The following ST7L variants were observed in gnomAD, a reference collection of about 807,000 sequenced individuals.
ST7L encodes the protein suppressor of tumorigenicity 7 protein-like.
In ST7L, 57 loss-of-function variants were observed where a neutral mutation model predicts 72.5. That is an observed-to-expected ratio of 0.79 (90% CI 0.64 to 0.98). The LOEUF (loss-of-function observed/expected upper bound fraction) is 0.98, where lower values mean the gene tolerates loss of function less well. ST7L is among the 50% of genes least tolerant of loss of function. The pLI is 0.00. For synonymous variants in ST7L, 221 were observed against 240.9 expected (o/e 0.92, Z 0.77); for missense variants, 576 against 672.2 (o/e 0.86, Z 1.58).
chr1:112,520,872 G>A (rs1570804996), downstream of ST7L: 1 of 243,296 alleles, frequency 4.1e-6, no homozygotes, highest in Non-Finnish European at 8.0e-6. Flanking sequence ...CAAGAGGAAG[G>A]GTACCTGTAG....
At chr1:112,531,544 C>G (rs921391998) in intron 14 of ST7L, among the ~76,000 whole-genome samples, 1 of 152,180 alleles carries the variant, frequency 6.6e-6, no homozygotes. Flanking sequence ...CCTTTTGGGT[C>G]ACTATATCTT....
chr1:112,588,340 T>C (rs1285909684), intron 6 of ST7L, among the ~76,000 whole-genome samples: 1 of 152,252 alleles, frequency 6.6e-6, no homozygotes, highest in African/African-American at 2.4e-5. Context: ...AACACAGAAG[T>C]ACAAGTGCAG....
chr1:112,534,619 A>C (rs1018765731), intron 14 of ST7L, among the ~76,000 whole-genome samples: 5 of 152,164 alleles, frequency 3.3e-5, no homozygotes, highest in African/African-American at 1.2e-4. Context: ...AAAGCTAAAA[A>C]CTATTCCTCA....
intron 11 of ST7L, among the ~76,000 whole-genome samples, chr1:112,565,068 G>T (rs899877627): frequency 2.0e-5 from 3 of 151,028 alleles, no homozygotes; most frequent in African/African-American, 7.3e-5. Context: ...ATTTGAGATG[G>T]AGCTTTGCTC....
intron 11 of ST7L, among the ~76,000 whole-genome samples, chr1:112,565,804 C>A (rs768348986): frequency 2.6e-5 from 4 of 152,008 alleles, no homozygotes; most frequent in Non-Finnish European, 4.4e-5. Context: ...ACTGCTTGAG[C>A]CCAGGAGTTC....
chr1:112,575,991 A>T lies in ST7L; in HGVS notation c.1245+995T>A, dbSNP rs139192111. Among the ~76,000 whole-genome samples, 465 of 152,264 alleles carry T rather than the reference A, an allele frequency of 3.1e-3. 4 individuals are homozygous for T. Among genetic ancestry groups the T allele is most frequent in the African/African-American group, 0.011 (437 of 41,550 alleles). ...GCTCTTTAGCTTCCAAGCTCTATTA[A>T]CACCCTTTCACTGGAATCAATAGCT... On this transcript the variant is annotated intron_variant, in intron 11 of 14. Coordinates refer to ENST00000358039, the MANE Select transcript of ST7L (RefSeq NM_017744.5).
At chr1:112,600,113 T>C (rs766710611) in intron 4 of ST7L, among the ~76,000 whole-genome samples, 42 of 152,302 alleles carry the variant, frequency 2.8e-4, no homozygotes, top group Non-Finnish European at 5.3e-4. Flanking sequence ...TCATCTCAGC[T>C]CACTGCAACC....
rs1553248207 is a variant in ST7L at position 112,570,570 on chromosome 1, T to TAC, written c.1245+6414_1245+6415dup. Among the ~76,000 whole-genome samples the TAC allele has an allele frequency of 2.3e-3, 333 of 143,398 alleles. 1 individual carries two copies. The highest frequency in any genetic ancestry group is 7.5e-3 in the African/African-American group (291 of 38,618). 94.1% of individuals were successfully genotyped at this position (143,398 alleles called of 152,430 possible). On this transcript the variant is annotated intron_variant, in intron 11 of 14. Transcript: ENST00000358039. ...GTATATATATATATATATATATATATACACACACACATATATTTGAAATGT... is the reference window on the plus strand; with the variant it reads ...GTATATATATATATATATATATATATACACACACACACATATATTTGAAATGT...
intron 11 of ST7L, among the ~76,000 whole-genome samples, chr1:112,559,277 C>T (rs1659697222): frequency 6.6e-6 from 1 of 152,162 alleles, no homozygotes; most frequent in African/African-American, 2.4e-5. Flanking sequence ...CGGTGTCTTG[C>T]TCTGTTGTCC....
rs34816760 is a variant in ST7L at position 112,585,732 on chromosome 1, C to CAA, written c.702-1608_702-1607dup. On this transcript the variant is annotated intron_variant, in intron 6 of 14. Transcript: ENST00000358039. ...TGGGTGACAGAGTGAGACTCCGTCT[C>CAA]AAAAAAAAAAAAAAATTAATATTTT... 4.2e-3 allele frequency among the ~76,000 whole-genome samples: 444 copies of CAA among 106,448 alleles called. 2 individuals are homozygous for CAA. Among genetic ancestry groups the CAA allele is most frequent in the Middle Eastern group, 0.011 (2 of 186 alleles). 69.8% of individuals were successfully genotyped at this position (106,448 alleles called of 152,430 possible).
intron 11 of ST7L, among the ~76,000 whole-genome samples, chr1:112,575,660 C>G (rs562795700): frequency 6.6e-6 from 1 of 152,110 alleles, no homozygotes; most frequent in Non-Finnish European, 1.5e-5. Flanking sequence ...TTTCATCAAG[C>G]TACTCAGAAC....
At chr1:112,574,216 CT>C (rs749479758) in intron 11 of ST7L, among the ~76,000 whole-genome samples, 3,411 of 127,000 alleles carry the variant, frequency 0.027, 120 homozygotes, top group African/African-American at 0.085. Context: ...TGCGCCCGGA[CT>C]TTTTTTTTTT....
At chr1:112,569,672 G>GT (rs1393061133) in intron 11 of ST7L, among the ~76,000 whole-genome samples, 1 of 152,108 alleles carries the variant, frequency 6.6e-6, no homozygotes, top group Non-Finnish European at 1.5e-5. Flanking sequence ...AAGAAAGACA[G>GT]TATCAGCTGG....
At chr1:112,587,528 A>C (rs1665042851) in intron 6 of ST7L, among the ~76,000 whole-genome samples, 1 of 152,182 alleles carries the variant, frequency 6.6e-6, no homozygotes, top group Admixed American at 6.5e-5. Flanking sequence ...ACTTGAACCC[A>C]GGAGGTGGAG....
intron 5 of ST7L, among the ~76,000 whole-genome samples, chr1:112,596,922 C>G (rs1413911407): frequency 6.6e-6 from 1 of 152,174 alleles, no homozygotes; most frequent in Non-Finnish European, 1.5e-5. Context: ...CAGGCGTGAG[C>G]CACCGCGCCC....
At chr1:112,531,955 T>A (rs1194662466) in intron 14 of ST7L, among the ~76,000 whole-genome samples, 1 of 151,834 alleles carries the variant, frequency 6.6e-6, no homozygotes, top group Non-Finnish European at 1.5e-5. Context: ...TATCCAGGAC[T>A]CTCTGAACTG....
At chr1:112,614,826 G>C (rs1171243129) in intron 2 of ST7L, among the ~76,000 whole-genome samples, 1 of 152,090 alleles carries the variant, frequency 6.6e-6, no homozygotes, top group Non-Finnish European at 1.5e-5. Flanking sequence ...AAATTTATTG[G>C]CTATGCATGG....
At chr1:112,572,640 G>A (rs1301459225) in intron 11 of ST7L, among the ~76,000 whole-genome samples, 1 of 152,166 alleles carries the variant, frequency 6.6e-6, no homozygotes, top group African/African-American at 2.4e-5. Context: ...ACTTTGGGAG[G>A]CTGAGGAGGG....
At chr1:112,587,137 T>C (rs1343178649) in intron 6 of ST7L, among the ~76,000 whole-genome samples, 3 of 152,244 alleles carry the variant, frequency 2.0e-5, no homozygotes, top group African/African-American at 7.2e-5. Flanking sequence ...CTAAGAGTTC[T>C]GTAGTTTTAA....
Sources: allele counts gnomAD v4.1 joint callset (sites outside exome capture counted in the v4.1 genomes callset), GRCh38; gene constraint gnomAD v4.1.1; transcripts MANE v1.5; gene names NCBI Gene and HGNC (gene_info 2026-07-23, HGNC 2026-07-21).